Variants in ERBB4 observed in about 807,000 individuals in gnomAD.
ERBB4 encodes the protein receptor tyrosine-protein kinase erbB-4.
In ERBB4, 42 loss-of-function variants were observed where a neutral mutation model predicts 158.0. That is an observed-to-expected ratio of 0.27 (90% CI 0.21 to 0.34). The LOEUF (loss-of-function observed/expected upper bound fraction) is 0.34. Ranked by LOEUF, ERBB4 falls within the 10% of genes least tolerant of loss-of-function variation. The pLI is 1.00. For missense variants in ERBB4, 1,333 were observed against 1,624.1 expected, an observed-to-expected ratio of 0.82 and a Z score of 3.08; for synonymous variants, 583 against 558.7, an observed-to-expected ratio of 1.04 and a Z score of -0.61.
At chr2:211,430,089 A>G (rs2125426977) in intron 21 of ERBB4, among the ~76,000 whole-genome samples, 1 of 152,256 alleles carries the variant, frequency 6.6e-6, no homozygotes, top group East Asian at 1.9e-4. Flanking sequence ...GCATTTGGAA[A>G]CCTATCATTG....
At chr2:211,922,051 T>C (rs1227030251) in intron 3 of ERBB4, among the ~76,000 whole-genome samples, 4 of 152,064 alleles carry the variant, frequency 2.6e-5, no homozygotes, top group South Asian at 4.1e-4. Context: ...TAGGAGTTGA[T>C]AGGAGTTTGT....
chr2:212,476,440 T>TC (rs1226297887), intron 1 of ERBB4, among the ~76,000 whole-genome samples: 1 of 152,128 alleles, frequency 6.6e-6, no homozygotes, highest in East Asian at 1.9e-4. Context: ...AATGTACATA[T>TC]CCTGATGTCA....
In ERBB4 at chr2:212,045,344, G is replaced by C. The variant is rs542919161; in HGVS notation, c.234+79408C>G. Among the ~76,000 whole-genome samples, 3 of 152,272 alleles carry C rather than the reference G, an allele frequency of 2.0e-5. No individual in the cohort carries two copies. In the East Asian group the frequency reaches 5.8e-4, roughly 29 times the overall value. On this transcript the variant is annotated intron_variant, in intron 2 of 27. Coordinates refer to ENST00000342788, the MANE Select transcript of ERBB4 (RefSeq NM_005235.3). ...CATGTGGTGCACATCTGTAGTCCCA[G>C]CTACCTGGGAGGCTGAGGCATGAGA... is the stretch of plus-strand genomic sequence containing the variant.
chr2:212,449,075 T>C (rs1560355103), intron 1 of ERBB4, among the ~76,000 whole-genome samples: 1 of 152,184 alleles, frequency 6.6e-6, no homozygotes, highest in Non-Finnish European at 1.5e-5. Flanking sequence ...TTTCTTTTAA[T>C]AGAAGTGTGG....
At chr2:211,436,924 T>C (rs1042771358) in intron 20 of ERBB4, among the ~76,000 whole-genome samples, 8 of 152,174 alleles carry the variant, frequency 5.3e-5, no homozygotes, top group Non-Finnish European at 1.0e-4. Context: ...AAGATAAAGG[T>C]CACGAATAAA....
At chr2:212,044,751 C>A (rs1327205757) in intron 2 of ERBB4, among the ~76,000 whole-genome samples, 1 of 152,048 alleles carries the variant, frequency 6.6e-6, no homozygotes, top group South Asian at 2.1e-4. Flanking sequence ...AAACTGATAC[C>A]CTTATAGTTC....
chr2:211,405,339 CA>C (rs2063125748), intron 25 of ERBB4, among the ~76,000 whole-genome samples: 1 of 152,118 alleles, frequency 6.6e-6, no homozygotes, highest in Non-Finnish European at 1.5e-5. Flanking sequence ...GCTCAAGGGA[CA>C]GAGAAACTTC....
At chr2:212,257,499 C>T (rs994918665) in intron 1 of ERBB4, among the ~76,000 whole-genome samples, 1 of 152,016 alleles carries the variant, frequency 6.6e-6, no homozygotes, top group Admixed American at 6.6e-5. Flanking sequence ...AGAAACAAAA[C>T]TTCAACTCCT....
intron 2 of ERBB4, among the ~76,000 whole-genome samples, chr2:211,967,618 T>G (rs2081342041): frequency 6.6e-6 from 1 of 152,072 alleles, no homozygotes; most frequent in South Asian, 2.1e-4. Context: ...GGACCAAAAT[T>G]AGATTCACTA....
chr2:211,996,496 C>T (rs1290141459), intron 2 of ERBB4, among the ~76,000 whole-genome samples: 2 of 151,884 alleles, frequency 1.3e-5, no homozygotes, highest in Non-Finnish European at 2.9e-5. Flanking sequence ...GGAGATATTA[C>T]CATAACATAA....
At chr2:211,449,900 G>T (rs1399011561) in intron 20 of ERBB4, among the ~76,000 whole-genome samples, 1 of 152,072 alleles carries the variant, frequency 6.6e-6, no homozygotes, top group East Asian at 1.9e-4. Flanking sequence ...ACTATATCTA[G>T]GTACTATGAT....
intron 1 of ERBB4, among the ~76,000 whole-genome samples, chr2:212,152,595 C>T (rs2080906288): frequency 6.6e-6 from 1 of 152,106 alleles, no homozygotes; most frequent in South Asian, 2.1e-4. Flanking sequence ...CTCACCTACT[C>T]CACTGACTTT....
intron 1 of ERBB4, among the ~76,000 whole-genome samples, chr2:212,371,783 G>GAA (rs1434429709): frequency 3.3e-5 from 5 of 152,040 alleles, no homozygotes; most frequent in African/African-American, 1.2e-4. Context: ...TCCAAACCAT[G>GAA]AAAAGTCTTA....
At chr2:211,478,917 G>C (rs1188029157) in intron 20 of ERBB4, among the ~76,000 whole-genome samples, 1 of 152,024 alleles carries the variant, frequency 6.6e-6, no homozygotes, top group East Asian at 1.9e-4. Context: ...GTAATGTAAG[G>C]CTTCTTCATG....
chr2:211,703,364 C>A (rs138520330), intron 11 of ERBB4, among the ~76,000 whole-genome samples: 1 of 152,064 alleles, frequency 6.6e-6, no homozygotes, highest in Non-Finnish European at 1.5e-5. Context: ...ATTTTTAAAA[C>A]CTCCTATAAC....
intron 19 of ERBB4, among the ~76,000 whole-genome samples, chr2:211,565,319 A>G (rs1244848529): frequency 1.3e-5 from 2 of 152,160 alleles, no homozygotes; most frequent in African/African-American, 4.8e-5. Flanking sequence ...CCCTTCTGAA[A>G]GGTGGTGATG....
intron 2 of ERBB4, among the ~76,000 whole-genome samples, chr2:211,969,197 G>C (rs965161968): frequency 1.2e-4 from 18 of 151,818 alleles, no homozygotes; most frequent in Admixed American, 1.1e-3. Context: ...CAAAAGTTAA[G>C]ACAACTGCAA....
intron 1 of ERBB4, among the ~76,000 whole-genome samples, chr2:212,432,518 C>A (rs891721671): frequency 1.3e-5 from 2 of 152,026 alleles, no homozygotes; most frequent in East Asian, 3.8e-4. Flanking sequence ...GTGCATTCTG[C>A]TAAGTGTTAA....
At chr2:211,905,316 T>C (rs2079349622) in intron 3 of ERBB4, among the ~76,000 whole-genome samples, 1 of 151,958 alleles carries the variant, frequency 6.6e-6, no homozygotes, top group Non-Finnish European at 1.5e-5. Context: ...CTTCTGCCTC[T>C]CTCTTCCACT....
Sources: gnomAD v4.1 joint callset for allele counts (sites outside exome capture counted in the v4.1 genomes callset) on GRCh38, gnomAD v4.1.1 for gene constraint, MANE v1.5 for transcripts, NCBI Gene and HGNC (gene_info 2026-07-23, HGNC 2026-07-21) for gene names.